FOCAD: variants seen among roughly 807,000 people sequenced by gnomAD.
The protein encoded by FOCAD is KIAA1797.
A neutral mutation model predicts 225.6 loss-of-function variants in FOCAD; 198 were observed. That is an observed-to-expected ratio of 0.88 (90% CI 0.78 to 0.99). The LOEUF is 0.99. Ranked by LOEUF, FOCAD falls within the 50% of genes least tolerant of loss-of-function variation. The pLI is 0.00. For synonymous variants in FOCAD, 897 were observed against 755.0 expected (o/e 1.19, Z -3.08); for missense variants, 2,713 against 2,123.6 (o/e 1.28, Z -5.46).
intron 35 of FOCAD, among the ~76,000 whole-genome samples, chr9:20,972,744 G>C (rs992626925): frequency 2.6e-5 from 4 of 151,956 alleles, no homozygotes; most frequent in African/African-American, 9.7e-5. Flanking sequence ...ATTCCACATA[G>C]CTTCTCCTTT....
At chr9:20,735,486 G>T (rs1827076139) in intron 4 of FOCAD, among the ~76,000 whole-genome samples, 1 of 147,256 alleles carries the variant, frequency 6.8e-6, no homozygotes. Context: ...CCTTCCTTCC[G>T]CCTCCCCTCC....
At chr9:20,925,818 T>A (rs1454874612) in intron 25 of FOCAD, among the ~76,000 whole-genome samples, 2 of 152,216 alleles carry the variant, frequency 1.3e-5, no homozygotes, top group African/African-American at 2.4e-5. Flanking sequence ...GTGAATGTTG[T>A]CAAGATTCTT....
intron 5 of FOCAD, among the ~76,000 whole-genome samples, chr9:20,748,382 TA>T (rs1170346803): frequency 6.6e-6 from 1 of 152,014 alleles, no homozygotes; most frequent in African/African-American, 2.4e-5. Context: ...AAGATATACT[TA>T]GGTTTAATTT....
intron 35 of FOCAD, among the ~76,000 whole-genome samples, chr9:20,962,363 A>G (rs1383052092): frequency 6.6e-6 from 1 of 152,036 alleles, no homozygotes; most frequent in African/African-American, 2.4e-5. Context: ...GTTTTCTAAT[A>G]TTTGTTTATC....
intron 6 of FOCAD, 128 bp from the exon 7 acceptor site, chr9:20,764,741 A>T: frequency 1.3e-6 from 1 of 745,762 alleles, no homozygotes; most frequent in South Asian, 1.8e-5. Flanking sequence ...GAAGAATCAT[A>T]AAAAGAAGTT....
intron 1 of FOCAD, among the ~76,000 whole-genome samples, chr9:20,712,896 C>A (rs1459081769): frequency 6.6e-6 from 1 of 151,824 alleles, no homozygotes; most frequent in Non-Finnish European, 1.5e-5. Context: ...CCACATCTGG[C>A]TAATTTTTGT....
chr9:20,958,202 A>C (rs1838376602), intron 35 of FOCAD, among the ~76,000 whole-genome samples: 1 of 152,324 alleles, frequency 6.6e-6, no homozygotes, highest in South Asian at 2.1e-4. Flanking sequence ...AAACAATATA[A>C]AGAATAAATT....
At chr9:20,718,691 G>A (rs893510462) in intron 3 of FOCAD, among the ~76,000 whole-genome samples, 2 of 152,178 alleles carry the variant, frequency 1.3e-5, no homozygotes, top group African/African-American at 4.8e-5. Context: ...TGAAAACTCT[G>A]ATCCTAATCC....
intron 42 of FOCAD, among the ~76,000 whole-genome samples, chr9:20,992,573 G>T (rs570773967): frequency 1.3e-5 from 2 of 152,220 alleles, no homozygotes; most frequent in Admixed American, 1.3e-4. Flanking sequence ...CTTGGGCAAG[G>T]TTTTTAATCT....
At position 20,820,436 on chromosome 9, in the gene FOCAD, A is replaced by G; in HGVS notation, c.1662+11A>G. On this transcript the variant is annotated intron_variant, in intron 13 of 43. Coordinates refer to ENST00000338382, the MANE Select transcript of FOCAD (RefSeq NM_001375567.1). ...TTGTGGGAAAAGCAGGTAATTTCAG[A>G]TATACACTTGCATGAGTATTAAATA... 6.2e-7 allele frequency: 1 copy of G among 1,601,526 alleles called. No individual in the cohort carries two copies. The highest frequency in any genetic ancestry group is 2.2e-5 in the East Asian group (1 of 44,750).
intron 7 of FOCAD, among the ~76,000 whole-genome samples, chr9:20,765,439 G>GA (rs1003908083): frequency 6.1e-4 from 88 of 143,282 alleles, no homozygotes; most frequent in South Asian, 8.8e-4. Flanking sequence ...GTGCACATTG[G>GA]AAAAAAAAAA....
At chr9:20,987,561 A>G (rs1366746279) in intron 40 of FOCAD, among the ~76,000 whole-genome samples, 1 of 152,148 alleles carries the variant, frequency 6.6e-6, no homozygotes, top group African/African-American at 2.4e-5. Context: ...AGTCTGAAAC[A>G]GTTTTTATAT....
intron 8 of FOCAD, among the ~76,000 whole-genome samples, chr9:20,777,286 T>G (rs1003674164): frequency 6.7e-6 from 1 of 149,062 alleles, no homozygotes; most frequent in African/African-American, 2.5e-5. Context: ...ACTTACAGAT[T>G]TCCTTTTTTT....
At chr9:20,937,649 C>T (rs1330975697) in intron 28 of FOCAD, among the ~76,000 whole-genome samples, 1 of 152,110 alleles carries the variant, frequency 6.6e-6, no homozygotes, top group Non-Finnish European at 1.5e-5. Context: ...TAGACAATAC[C>T]ATTCAGGACA....
chr9:20,709,488 G>A (rs1382027571), intron 1 of FOCAD, among the ~76,000 whole-genome samples: 2 of 141,340 alleles, frequency 1.4e-5, no homozygotes, highest in Non-Finnish European at 3.0e-5. Flanking sequence ...GTGACAAAGT[G>A]AAACCGTCTC....
chr9:20,673,550 A>G (rs1203581380), intron 2 of FOCAD, among the ~76,000 whole-genome samples: 2 of 152,120 alleles, frequency 1.3e-5, no homozygotes, highest in African/African-American at 2.4e-5. Context: ...TTGTATATCT[A>G]CTTTGAAGAA....
At chr9:20,958,049 A>C (rs1439474118) in intron 35 of FOCAD, among the ~76,000 whole-genome samples, 2 of 152,176 alleles carry the variant, frequency 1.3e-5, no homozygotes, top group African/African-American at 4.8e-5. Context: ...TTCATATCCC[A>C]CTTCCACTAC....
intron 21 of FOCAD, among the ~76,000 whole-genome samples, chr9:20,892,204 G>A (rs1038848693): frequency 6.6e-6 from 1 of 152,154 alleles, no homozygotes; most frequent in Non-Finnish European, 1.5e-5. Flanking sequence ...GGTGTTCAAG[G>A]AGATGGAGTT....
chr9:20,784,554 G>T lies in FOCAD; in HGVS notation c.1197+2625G>T, dbSNP rs1204257002. On this transcript the variant is annotated intron_variant, in intron 10 of 43. Coordinates refer to ENST00000338382, the MANE Select transcript of FOCAD (RefSeq NM_001375567.1). ...AAGGAGACTTAAAAGCTAAATTCTT[G>T]TAATTGTACAGGAGGGCAAAATTCA... Among the ~76,000 whole-genome samples, 3 of 152,134 alleles carry T rather than the reference G, an allele frequency of 2.0e-5. No homozygotes were observed. In the South Asian group the frequency reaches 6.2e-4, roughly 32 times the overall value.
Sources: allele counts gnomAD v4.1 joint callset (sites outside exome capture counted in the v4.1 genomes callset), GRCh38; gene constraint gnomAD v4.1.1; transcripts MANE v1.5; gene names NCBI Gene and HGNC (gene_info 2026-07-23, HGNC 2026-07-21).